The following FAM210A variants were observed in gnomAD, a reference collection of about 807,000 sequenced individuals.
FAM210A encodes family with sequence similarity 210 member A.
In FAM210A, 13 loss-of-function variants were observed where a neutral mutation model predicts 25.3. The observed-to-expected ratio is 0.51, with a 90% CI of 0.33 to 0.82. The LOEUF is 0.82. Among genes scored for constraint, FAM210A ranks in the 40% least tolerant of loss-of-function variants. The pLI is 0.02. For missense variants in FAM210A, 319 were observed against 323.2 expected, an observed-to-expected ratio of 0.99 and a Z score of 0.10; for synonymous variants, 125 against 118.7, an observed-to-expected ratio of 1.05 and a Z score of -0.35.
intron 1 of FAM210A, among the ~76,000 whole-genome samples, chr18:13,712,310 G>A (rs1231953169): frequency 6.6e-6 from 1 of 152,110 alleles, no homozygotes; most frequent in Admixed American, 6.6e-5. Flanking sequence ...GCTTTATTAC[G>A]AACCAGAAAA....
intron 3 of FAM210A, among the ~76,000 whole-genome samples, chr18:13,668,873 G>C (rs1377784861): frequency 1.3e-5 from 2 of 152,180 alleles, no homozygotes; most frequent in Non-Finnish European, 2.9e-5. Flanking sequence ...GACCATCACT[G>C]TCTGTAGTCC....
intron 1 of FAM210A, among the ~76,000 whole-genome samples, chr18:13,694,542 G>A (rs1009664633): frequency 6.6e-6 from 1 of 152,172 alleles, no homozygotes; most frequent in African/African-American, 2.4e-5. Flanking sequence ...GAACAGAATA[G>A]AGCCCTTGGA....
In FAM210A at chr18:13,672,352, C is replaced by T. The variant is rs540612656; in HGVS notation, c.474-379G>A. Among the ~76,000 whole-genome samples, 43 of 152,320 alleles carry T rather than the reference C, an allele frequency of 2.8e-4. No individual in the cohort carries two copies. In the South Asian group the frequency reaches 8.5e-3, roughly 30 times the overall value. On this transcript the variant is annotated intron_variant, in intron 2 of 3. Transcript: ENST00000651643. ...AACCAAATACCACTTCCTTAGAATG[C>T]TCCAACTCACATTTTAAGACCTAAA... is the stretch of plus-strand genomic sequence containing the variant.
chr18:13,693,253 T>C (rs944479337), intron 1 of FAM210A, among the ~76,000 whole-genome samples: 2 of 152,138 alleles, frequency 1.3e-5, no homozygotes, highest in Non-Finnish European at 2.9e-5. Context: ...GAGGCAATAA[T>C]AGCCCACCAA....
chr18:13,671,763 T>A (rs1411847744), intron 3 of FAM210A, 99 bp downstream of exon 3: 2 of 699,532 alleles, frequency 2.9e-6, no homozygotes, highest in African/African-American at 1.8e-5. Context: ...CGTTTCAAGT[T>A]ACGAAATACA....
intron 1 of FAM210A, among the ~76,000 whole-genome samples, chr18:13,695,200 A>G (rs1379084577): frequency 2.0e-5 from 3 of 152,244 alleles, no homozygotes; most frequent in Non-Finnish European, 4.4e-5. Flanking sequence ...CGATCATTAA[A>G]AAGTCAGGAA....
At chr18:13,718,491 A>T (rs919240491) in intron 1 of FAM210A, among the ~76,000 whole-genome samples, 1 of 152,146 alleles carries the variant, frequency 6.6e-6, no homozygotes, top group East Asian at 1.9e-4. Flanking sequence ...GTAATAGTTC[A>T]TAACTTGTTC....
chr18:13,663,952 A>G lies in FAM210A; in HGVS notation c.*2528T>C, dbSNP rs921990640. 6.6e-6 allele frequency: 1 copy of G among 152,226 alleles called. No homozygotes were observed. Among genetic ancestry groups the G allele is most frequent in the Non-Finnish European group, 1.5e-5 (1 of 68,048 alleles). The allele number at this position is 152,226 out of a possible 1,614,324, so 9.4% of individuals were successfully genotyped here. Reference sequence around the variant, plus strand: ...GTGTACTGTAAATGAAATGAGGTCTATTATACATAGCAAACTATACTGTAT... The same window carrying G: ...GTGTACTGTAAATGAAATGAGGTCTGTTATACATAGCAAACTATACTGTAT... On this transcript the variant is annotated 3_prime_UTR_variant, in exon 4 of 4. Coordinates refer to ENST00000651643, the MANE Select transcript of FAM210A (RefSeq NM_152352.4).
At chr18:13,693,891 G>T (rs1005989627) in intron 1 of FAM210A, among the ~76,000 whole-genome samples, 3 of 152,162 alleles carry the variant, frequency 2.0e-5, no homozygotes, top group Admixed American at 2.0e-4. Flanking sequence ...GGGCAGTCAG[G>T]CAAGAGAAAT....
chr18:13,666,765 C>A, intron 3 of FAM210A, 52 bp from the exon 4 acceptor site: 1 of 1,510,416 alleles, frequency 6.6e-7, no homozygotes. Flanking sequence ...TTACTGTCAT[C>A]TTAAGCAAAA....
Position 13,666,423 on chromosome 18 carries a change from C to T in FAM210A, c.*57G>A. ...AATAATCAGACACATGTATCTTTGC[C>T]CATAGTTTCCAAAGGGTTAAAGTGC... On this transcript the variant is annotated 3_prime_UTR_variant, in exon 4 of 4. Transcript: ENST00000651643. 7.3e-7 allele frequency: 1 copy of T among 1,376,394 alleles called. No individual in the cohort carries two copies. The highest frequency in any genetic ancestry group is 1.3e-5 in the South Asian group (1 of 78,164). 85.3% of individuals were successfully genotyped at this position (1,376,394 alleles called of 1,614,324 possible).
intron 1 of FAM210A, among the ~76,000 whole-genome samples, chr18:13,688,913 T>C (rs1012437416): frequency 6.6e-6 from 1 of 152,264 alleles, no homozygotes; most frequent in Non-Finnish European, 1.5e-5. Context: ...ACAGCAGACC[T>C]GAGTGAGCAG....
At chr18:13,684,154 T>C (rs2149057855) in intron 1 of FAM210A, among the ~76,000 whole-genome samples, 1 of 152,280 alleles carries the variant, frequency 6.6e-6, no homozygotes, top group Non-Finnish European at 1.5e-5. Flanking sequence ...CTCAGTACTT[T>C]GGGATGCCGA....
At chr18:13,671,137 G>A (rs970748581) in intron 3 of FAM210A, among the ~76,000 whole-genome samples, 6 of 151,906 alleles carry the variant, frequency 3.9e-5, no homozygotes, top group African/African-American at 1.5e-4. Context: ...GCTAAGAAAA[G>A]ATGAATTATT....
In FAM210A at chr18:13,670,281, C is replaced by T. The variant is rs1265339726; in HGVS notation, c.585+1581G>A. Among the ~76,000 whole-genome samples the T allele has an allele frequency of 2.6e-5, 4 of 152,194 alleles. No individual in the cohort carries two copies. The South Asian group carries it at 8.3e-4, about 31-fold the overall frequency. On this transcript the variant is annotated intron_variant, in intron 3 of 3. Coordinates refer to ENST00000651643, the MANE Select transcript of FAM210A (RefSeq NM_152352.4). ...TTAAATTAGGGAAGGTTTACATCAG[C>T]ATGATAGTTTGACTTACTCGGGTTA...
chr18:13,666,833 T>G, intron 3 of FAM210A, 120 bp from the exon 4 acceptor site: 1 of 813,710 alleles, frequency 1.2e-6, no homozygotes, highest in East Asian at 2.7e-5. Flanking sequence ...CCTCATTGTT[T>G]CACAAAGCTA....
chr18:13,722,104 C>G (rs2043901726), intron 1 of FAM210A, among the ~76,000 whole-genome samples: 1 of 151,936 alleles, frequency 6.6e-6, no homozygotes, highest in Admixed American at 6.6e-5. Flanking sequence ...TTCACTTGAC[C>G]TAGAACTCTT....
At chr18:13,695,170 T>A (rs2043681905) in intron 1 of FAM210A, among the ~76,000 whole-genome samples, 1 of 152,234 alleles carries the variant, frequency 6.6e-6, no homozygotes, top group Admixed American at 6.5e-5. Flanking sequence ...TGAGATACCA[T>A]CTCACGCCAG....
At chr18:13,721,958 C>G (rs920105083) in intron 1 of FAM210A, among the ~76,000 whole-genome samples, 1 of 152,140 alleles carries the variant, frequency 6.6e-6, no homozygotes, top group African/African-American at 2.4e-5. Context: ...AAATTCTTAG[C>G]AGCGCAATGG....
Sources: gnomAD v4.1 joint callset for allele counts (sites outside exome capture counted in the v4.1 genomes callset) on GRCh38, gnomAD v4.1.1 for gene constraint, MANE v1.5 for transcripts, NCBI Gene and HGNC (gene_info 2026-07-23, HGNC 2026-07-21) for gene names.